Variants in ADGRL3 observed in about 807,000 individuals in gnomAD.
ADGRL3 encodes calcium-independent alpha-latrotoxin receptor 3.
A neutral mutation model predicts 153.5 loss-of-function variants in ADGRL3; 62 were observed. That is an observed-to-expected ratio of 0.40 (90% CI 0.33 to 0.50). The LOEUF (loss-of-function observed/expected upper bound fraction) is 0.50, where lower values mean the gene tolerates loss of function less well. Ranked by LOEUF, ADGRL3 falls within the 20% of genes least tolerant of loss-of-function variation. ADGRL3 has a pLI of 0.47. For synonymous variants in ADGRL3, 710 were observed against 672.5 expected, an observed-to-expected ratio of 1.06 and a Z score of -0.86; for missense variants, 1,641 against 1,859.4, an observed-to-expected ratio of 0.88 and a Z score of 2.16.
At chr4:61,337,241 T>C (rs2095697916) in intron 1 of ADGRL3, among the ~76,000 whole-genome samples, 1 of 152,182 alleles carries the variant, frequency 6.6e-6, no homozygotes. Context: ...GGGTACCTTG[T>C]CTGATCTGTT....
rs1438025409 is a variant in ADGRL3, at chr4:62,071,745, T to A, written c.*837T>A. 2.4e-6 allele frequency: 1 copy of A among 420,912 alleles called. No homozygotes were observed. The highest frequency in any genetic ancestry group is 7.6e-5 in the East Asian group (1 of 13,124). 26.1% of individuals were successfully genotyped at this position (420,912 alleles called of 1,614,324 possible). ...TTCTTCTCTTTCTTCATTTTCTTTT[T>A]TTCTTTTTTGCCTTTTATTCCTTTA... On this transcript the variant is annotated 3_prime_UTR_variant, in exon 27 of 27. Transcript: ENST00000683033.
At chr4:62,057,061 T>G (rs1017466295) in intron 25 of ADGRL3, among the ~76,000 whole-genome samples, 1 of 152,124 alleles carries the variant, frequency 6.6e-6, no homozygotes, top group African/African-American at 2.4e-5. Flanking sequence ...GAGTGGCAAT[T>G]CAAGTTATTT....
At chr4:61,205,716 A>G (rs571987355) in intron 1 of ADGRL3, among the ~76,000 whole-genome samples, 1 of 152,312 alleles carries the variant, frequency 6.6e-6, no homozygotes, top group East Asian at 1.9e-4. Context: ...TTCCTTGGTT[A>G]TCTTTCTGTG....
At chr4:62,004,827 A>G (rs1311729796) in intron 21 of ADGRL3, among the ~76,000 whole-genome samples, 2 of 152,130 alleles carry the variant, frequency 1.3e-5, no homozygotes, top group African/African-American at 2.4e-5. Context: ...TATTCATTGT[A>G]ATAAGATAGA....
chr4:61,560,777 T>C (rs1230702568), intron 4 of ADGRL3, among the ~76,000 whole-genome samples: 1 of 152,212 alleles, frequency 6.6e-6, no homozygotes, highest in East Asian at 1.9e-4. Flanking sequence ...TAAGGCCTGC[T>C]CTATATAGAT....
intron 8 of ADGRL3, among the ~76,000 whole-genome samples, chr4:61,750,391 G>C (rs565077719): frequency 6.6e-6 from 1 of 152,088 alleles, no homozygotes; most frequent in African/African-American, 2.4e-5. Flanking sequence ...TAGAATCCTC[G>C]TCTGCCTGAC....
At chr4:61,756,094 G>A (rs1187380054) in intron 8 of ADGRL3, among the ~76,000 whole-genome samples, 2 of 152,146 alleles carry the variant, frequency 1.3e-5, no homozygotes, top group African/African-American at 4.8e-5. Flanking sequence ...GATTGACTTG[G>A]CAATGCGGGC....
In ADGRL3 at chr4:61,676,110, G is replaced by T. The variant is rs146980395; in HGVS notation, c.474-716G>T. Reference sequence around the variant, plus strand: ...ACCTCCAGTTCCATCTTATATTTATGTTTTATTAGTGGTATGTCATTATTC... The same window carrying T: ...ACCTCCAGTTCCATCTTATATTTATTTTTTATTAGTGGTATGTCATTATTC... On this transcript the variant is annotated intron_variant, in intron 5 of 26. Coordinates refer to ENST00000683033, the MANE Select transcript of ADGRL3 (RefSeq NM_001387552.1). Among the ~76,000 whole-genome samples the T allele has an allele frequency of 2.6e-5, 4 of 151,734 alleles. No homozygotes were observed. In the South Asian group the frequency reaches 8.3e-4, roughly 32 times the overall value.
intron 1 of ADGRL3, among the ~76,000 whole-genome samples, chr4:61,268,713 A>G (rs568411117): frequency 2.6e-5 from 4 of 151,702 alleles, no homozygotes; most frequent in African/African-American, 9.6e-5. Flanking sequence ...GGAAAAATAC[A>G]TTATATAAAA....
intron 1 of ADGRL3, among the ~76,000 whole-genome samples, chr4:61,370,846 T>C (rs2096509264): frequency 6.6e-6 from 1 of 152,260 alleles, no homozygotes; most frequent in East Asian, 1.9e-4. Flanking sequence ...AGTCTCCCAT[T>C]ATTAATATGT....
chr4:62,031,562 T>C lies in ADGRL3; in HGVS notation c.3543T>C (p.Ser1181=), dbSNP rs780062305. ...IMAYLFTIFN[S]LQGMFIFIFH... ...CCTATCTCTTCACCATTTTCAATTC[T>C]CTACAGGGAATGTTTATATTTATTT... Residue 1181 remains serine (S), a synonymous_variant, in exon 23 of 27, where the codon TCT becomes TCC. Transcript: ENST00000683033. 1 of 1,610,216 alleles carries C rather than the reference T, an allele frequency of 6.2e-7. No individual in the cohort carries two copies. Among genetic ancestry groups the C allele is most frequent in the Non-Finnish European group, 8.5e-7 (1 of 1,177,194 alleles).
At chr4:61,225,813 A>T (rs183962494) in intron 1 of ADGRL3, among the ~76,000 whole-genome samples, 1 of 152,268 alleles carries the variant, frequency 6.6e-6, no homozygotes, top group East Asian at 1.9e-4. Context: ...TTCTCCTTTC[A>T]GTGACTCAAC....
At chr4:61,478,208 T>A (rs920091074) in intron 2 of ADGRL3, among the ~76,000 whole-genome samples, 4 of 152,114 alleles carry the variant, frequency 2.6e-5, no homozygotes, top group African/African-American at 9.7e-5. Context: ...AAAGGATTAA[T>A]GCCACACTTG....
chr4:61,246,379 T>C (rs1354108674), intron 1 of ADGRL3, among the ~76,000 whole-genome samples: 3 of 152,030 alleles, frequency 2.0e-5, no homozygotes, highest in Non-Finnish European at 4.4e-5. Context: ...ACAGAACTTA[T>C]ATCAAGCATC....
At chr4:61,237,441 G>A (rs921819566) in intron 1 of ADGRL3, among the ~76,000 whole-genome samples, 6 of 152,082 alleles carry the variant, frequency 3.9e-5, no homozygotes, top group African/African-American at 1.4e-4. Context: ...GACACAAGGA[G>A]GAGCACAAAA....
chr4:61,509,124 CT>C (rs57550950), intron 3 of ADGRL3, among the ~76,000 whole-genome samples: 115 of 118,580 alleles, frequency 9.7e-4, no homozygotes, highest in Middle Eastern at 5.1e-3. Context: ...CATATCACAT[CT>C]TTTTTTTTTT....
At chr4:61,459,119 T>G (rs1437871900) in intron 2 of ADGRL3, among the ~76,000 whole-genome samples, 1 of 151,612 alleles carries the variant, frequency 6.6e-6, no homozygotes, top group East Asian at 1.9e-4. Context: ...ACTTAAGTTT[T>G]CAAAATATAT....
chr4:61,643,567 T>C (rs1179757055), intron 5 of ADGRL3, among the ~76,000 whole-genome samples: 58 of 151,494 alleles, frequency 3.8e-4, no homozygotes, highest in Middle Eastern at 3.4e-3. Context: ...TTGTCTTTGG[T>C]TCTGTTTATA....
intron 1 of ADGRL3, among the ~76,000 whole-genome samples, chr4:61,322,596 T>C (rs1390226624): frequency 6.6e-6 from 1 of 152,224 alleles, no homozygotes; most frequent in South Asian, 2.1e-4. Context: ...ACAAAGGGGC[T>C]ACAGGCCCCA....
Sources: allele counts gnomAD v4.1 joint callset (sites outside exome capture counted in the v4.1 genomes callset), GRCh38; gene constraint gnomAD v4.1.1; transcripts MANE v1.5; gene names NCBI Gene and HGNC (gene_info 2026-07-23, HGNC 2026-07-21).